The following DST variants were observed in gnomAD, a reference collection of about 807,000 sequenced individuals.
The protein encoded by DST is dystonin.
DST carries 253 observed loss-of-function variants against 875.2 expected under a neutral mutation model. That is an observed-to-expected ratio of 0.29 (90% CI 0.26 to 0.32). The LOEUF is 0.32. Ranked by LOEUF, DST falls within the 10% of genes least tolerant of loss-of-function variation. DST has a pLI of 1.00. For missense variants in DST, 8,287 were observed against 9,111.6 expected (o/e 0.91, Z 3.68); for synonymous variants, 3,124 against 3,197.1 (o/e 0.98, Z 0.77).
intron 43 of DST, chr6:56,602,093 G>C (rs1481123334): frequency 2.5e-5 from 8 of 317,484 alleles, no homozygotes; most frequent in African/African-American, 1.8e-4. Flanking sequence ...TTTGAAATAT[G>C]AATGAAATAT....
At chr6:56,651,308 T>C in intron 10 of DST, 64 bp from the exon 11 acceptor site, 2 of 976,490 alleles carry the variant, frequency 2.0e-6, no homozygotes, top group Non-Finnish European at 1.5e-6. Flanking sequence ...TATATAATTA[T>C]ATAGGTTTCC....
intron 3 of DST, among the ~76,000 whole-genome samples, chr6:56,887,604 C>A (rs1279401459): frequency 2.0e-5 from 3 of 152,100 alleles, no homozygotes; most frequent in African/African-American, 7.2e-5. Flanking sequence ...TAAATGTTTT[C>A]TTTAAGTTTC....
chr6:56,631,492 C>A, intron 29 of DST, 103 bp from the exon 30 acceptor site: 2 of 904,054 alleles, frequency 2.2e-6, no homozygotes, highest in Non-Finnish European at 1.7e-6. Context: ...GAACCAATGA[C>A]TTAGAAATCT....
chr6:56,525,801 T>C (rs1459369321), intron 69 of DST, among the ~76,000 whole-genome samples: 1 of 152,188 alleles, frequency 6.6e-6, no homozygotes, highest in Non-Finnish European at 1.5e-5. Flanking sequence ...AAGGGCTGAA[T>C]GCCTATAAAA....
chr6:56,635,225 T>C (rs1056041536), intron 24 of DST, among the ~76,000 whole-genome samples: 2 of 152,202 alleles, frequency 1.3e-5, no homozygotes, highest in Non-Finnish European at 2.9e-5. Flanking sequence ...CTCTCTAGCA[T>C]GTAAGCACCA....
intron 24 of DST, among the ~76,000 whole-genome samples, chr6:56,635,287 A>G (rs902914645): frequency 6.6e-6 from 1 of 152,192 alleles, no homozygotes; most frequent in African/African-American, 2.4e-5. Flanking sequence ...TCTAGAACCT[A>G]AAACAGTGCC....
chr6:56,758,015 A>G (rs2099608286), intron 4 of DST, among the ~76,000 whole-genome samples: 1 of 152,242 alleles, frequency 6.6e-6, no homozygotes, highest in Admixed American at 6.5e-5. Flanking sequence ...TTTGAAATGG[A>G]AAATTTCCCA....
intron 102 of DST, 130 bp from the exon 103 acceptor site, chr6:56,460,384 T>A (rs760431544): frequency 1.9e-5 from 16 of 859,816 alleles, no homozygotes; most frequent in Non-Finnish European, 2.8e-5. Context: ...GGGGAGAAAC[T>A]CTTCAATTAA....
chr6:56,846,806 C>T (rs934358967), intron 4 of DST, among the ~76,000 whole-genome samples: 4 of 151,734 alleles, frequency 2.6e-5, no homozygotes, highest in Admixed American at 2.6e-4. Context: ...GAGTTCGAAA[C>T]TAGCCTGCAC....
chr6:56,880,364 G>A (rs13203600), intron 3 of DST, among the ~76,000 whole-genome samples: 18,750 of 152,150 alleles, frequency 0.12, 1,523 homozygotes, highest in Middle Eastern at 0.2. Flanking sequence ...AAATTACTTC[G>A]GAGAAACCAT....
At chr6:56,468,402 A>G (rs77852111) in intron 98 of DST, among the ~76,000 whole-genome samples, 3 of 152,338 alleles carry the variant, frequency 2.0e-5, no homozygotes, top group Non-Finnish European at 2.9e-5. Flanking sequence ...CAAAAGGAAT[A>G]TTACTTAAAG....
rs1462409536 is a variant in DST, at chr6:56,527,608, T to C, written c.17807A>G (p.His5936Arg). 4 of 1,613,700 alleles carry C rather than the reference T, an allele frequency of 2.5e-6. No homozygotes were observed. Among genetic ancestry groups the C allele is most frequent in the Admixed American group, 3.3e-5 (2 of 59,904 alleles). The part of the protein sequence containing the change: ...EQALQLARRL[H>R]STHEELCTWL... ...GGTACACAGCTCTTCGTGTGTGGAG[T>C]GCAGCCGCCTTGCAAGCTGCAGCGC... The change falls in exon 68 of 104, where the codon CAC becomes CGC. Residue 5936 changes from histidine to arginine, a missense_variant. Around this residue, in one of 10 missense-constraint regions of DST, gnomAD observed 777 missense variants for 764.8 expected, o/e 1.02. Transcript: ENST00000680361.
intron 3 of DST, among the ~76,000 whole-genome samples, chr6:56,881,780 A>T (rs1782340830): frequency 7.6e-6 from 1 of 131,804 alleles, no homozygotes; most frequent in African/African-American, 3.6e-5. Flanking sequence ...CTTTATTGGT[A>T]AAAAAAAAAA....
At chr6:56,584,931 C>A (rs2098115637) in intron 49 of DST, among the ~76,000 whole-genome samples, 1 of 151,814 alleles carries the variant, frequency 6.6e-6, no homozygotes, top group African/African-American at 2.4e-5. Context: ...GCCTTGCATC[C>A]CAGGGATGAA....
chr6:56,605,209 A>C lies in DST; in HGVS notation c.9419T>G (p.Ile3140Ser), dbSNP rs2098483661. The C allele has an allele frequency of 1.2e-6, 2 of 1,611,764 alleles. No individual in the cohort carries two copies. The highest frequency in any genetic ancestry group is 1.3e-5 in the African/African-American group (1 of 74,852). ...CTCTTTGGAAACTGATGTGTCAAAA[A>C]TTTCTTCAAGATTCTCAAACTGAAC... The part of the protein sequence containing the change: ...SPVQFENLEE[I>S]FDTSVSKEIS... Residue 3140 changes from isoleucine (I) to serine (S), a missense_variant, in exon 40 of 104, where the codon ATT becomes AGT. Transcript: ENST00000680361.
At chr6:56,755,691 A>C (rs1361519672) in intron 4 of DST, among the ~76,000 whole-genome samples, 1 of 152,252 alleles carries the variant, frequency 6.6e-6, no homozygotes, top group African/African-American at 2.4e-5. Flanking sequence ...CTTTAAGGCA[A>C]GTATTATAAA....
At chr6:56,641,252 T>C (rs927039746) in intron 17 of DST, among the ~76,000 whole-genome samples, 1 of 152,130 alleles carries the variant, frequency 6.6e-6, no homozygotes, top group African/African-American at 2.4e-5. Flanking sequence ...ATGAACATTT[T>C]CATAATAGGA....
intron 4 of DST, among the ~76,000 whole-genome samples, chr6:56,783,291 G>A (rs1254413719): frequency 2.0e-5 from 3 of 152,098 alleles, no homozygotes; most frequent in Admixed American, 2.0e-4. Context: ...TTAACTTTCT[G>A]TCTCATTGAT....
At chr6:56,520,357 T>C (rs2096672659) in intron 69 of DST, among the ~76,000 whole-genome samples, 1 of 152,086 alleles carries the variant, frequency 6.6e-6, no homozygotes, top group South Asian at 2.1e-4. Flanking sequence ...GAAATAACAT[T>C]ATAGAAATGG....
Sources: allele counts gnomAD v4.1 joint callset (sites outside exome capture counted in the v4.1 genomes callset), GRCh38; gene constraint gnomAD v4.1.1; regional missense constraint gnomAD v4.1.1; transcripts MANE v1.5; gene names NCBI Gene and HGNC (gene_info 2026-07-23, HGNC 2026-07-21).